The following CEP170B variants were observed in gnomAD, a reference collection of about 807,000 sequenced individuals.
The protein encoded by CEP170B is centrosomal protein of 170 kDa protein B.
A neutral mutation model predicts 120.6 loss-of-function variants in CEP170B; 55 were observed. The observed-to-expected ratio is 0.46, with a 90% CI of 0.37 to 0.57. The LOEUF is 0.57. CEP170B is among the 20% of genes least tolerant of loss of function. The pLI, the probability that CEP170B is intolerant of heterozygous loss-of-function variation, is 0.00. For missense variants in CEP170B, 2,212 were observed against 2,253.3 expected (o/e 0.98, Z 0.37); for synonymous variants, 1,033 against 954.5 (o/e 1.08, Z -1.52).
intron 2 of CEP170B, among the ~76,000 whole-genome samples, chr14:104,873,700 G>A (rs2140644410): frequency 6.6e-6 from 1 of 152,168 alleles, no homozygotes; most frequent in East Asian, 1.9e-4. Context: ...CCCCTCCAGG[G>A]TTTCCACTCC....
chr14:104,881,201 G>A (rs975855284), intron 6 of CEP170B, among the ~76,000 whole-genome samples: 1 of 152,144 alleles, frequency 6.6e-6, no homozygotes, highest in Non-Finnish European at 1.5e-5. Context: ...GAGGAGGACA[G>A]CTGCACGAGG....
rs935378925 is a variant in CEP170B at position 104,867,035 on chromosome 14, C to T, written c.-27-1389C>T. ...ATGTGACTTGGAGACCCCCACAGAG[C>T]CCTTGCTTGGACCCCGCATGTGGCA... On this transcript the variant is annotated intron_variant, in intron 1 of 18. Coordinates refer to ENST00000414716, the MANE Select transcript of CEP170B (RefSeq NM_001112726.3). This position sits in a 1 kb window ranked among gnomAD's most constrained non-coding sequence, Gnocchi z 5.4. Among the ~76,000 whole-genome samples the T allele has an allele frequency of 6.6e-6, 1 of 152,214 alleles. No individual in the cohort carries two copies. The highest frequency in any genetic ancestry group is 1.5e-5 in the Non-Finnish European group (1 of 68,030).
In CEP170B at chr14:104,886,665, C is replaced by G. The variant is rs373895790; in HGVS notation, c.2426C>G (p.Ser809Cys). The G allele has an allele frequency of 1.9e-6, 3 of 1,539,632 alleles. No homozygotes were observed. The African/African-American group carries it at 4.1e-5, about 21-fold the overall frequency. The change falls in exon 12 of 19, where the codon TCT becomes TGT. Residue 809 changes from serine (S) to cysteine (C), a missense_variant. Physicochemically the swap from Ser to Cys is moderately radical, Grantham distance 112. This residue lies in a region of CEP170B where 2,166 missense variants were observed against 2,166.7 expected (regional missense o/e 1.00). Transcript: ENST00000414716. Reference sequence around the variant, plus strand: ...GACCAGAATGGGGACGCTGTGTTATCTAGGAAACCGCTTGCGGCTCCAGGG... The same window carrying G: ...GACCAGAATGGGGACGCTGTGTTATGTAGGAAACCGCTTGCGGCTCCAGGG... ...IGDQNGDAVL[S>C]RKPLAAPGDG...
At chr14:104,866,768 C>G (rs550051188) in intron 1 of CEP170B, among the ~76,000 whole-genome samples, 2 of 152,144 alleles carry the variant, frequency 1.3e-5, no homozygotes, top group Non-Finnish European at 2.9e-5. Context: ...AAGCTGAAGA[C>G]CTTGGGCGTG....
intron 12 of CEP170B, chr14:104,889,383 TG>T (rs894071357): frequency 8.3e-6 from 8 of 964,138 alleles, no homozygotes; most frequent in Middle Eastern, 2.6e-4. Flanking sequence ...GGCTACTGGG[TG>T]GGGGCACCAG....
upstream of CEP170B, among the ~76,000 whole-genome samples, chr14:104,864,653 C>T (rs1054972555): frequency 2.0e-5 from 3 of 152,150 alleles, no homozygotes; most frequent in African/African-American, 7.2e-5. This position sits in a 1 kb window ranked among gnomAD's most constrained non-coding sequence, Gnocchi z 5.9. Context: ...GCGTCGATGC[C>T]CACCACCATC....
At chr14:104,873,169 A>G (rs1157395399) in intron 2 of CEP170B, among the ~76,000 whole-genome samples, 1 of 150,706 alleles carries the variant, frequency 6.6e-6, no homozygotes, top group Non-Finnish European at 1.5e-5. Flanking sequence ...AGGTCTGGTG[A>G]GAAAGCCCTG....
chr14:104,868,365 G>T lies in CEP170B; in HGVS notation c.-27-59G>T. On this transcript the variant is annotated intron_variant, in intron 1 of 18. Transcript: ENST00000414716. This position sits in a 1 kb window ranked among gnomAD's most constrained non-coding sequence, Gnocchi z 5.9. ...AGGATCTGGGCTGGGCCTTGGATGT[G>T]TCCAGGGGGCTAAGAACCAGGCCAG... 2 of 1,245,116 alleles carry T rather than the reference G, an allele frequency of 1.6e-6. No individual in the cohort carries two copies. The highest frequency in any genetic ancestry group is 2.3e-6 in the Non-Finnish European group (2 of 886,316). The allele number at this position is 1,245,116 out of a possible 1,614,324, so 77.1% of individuals were successfully genotyped here. A position where few individuals can be genotyped will look rare whatever the true frequency, so the allele number is the denominator to read the frequency against.
In CEP170B at chr14:104,878,479, G is replaced by T. The variant is rs541418376; in HGVS notation, c.311G>T (p.Arg104Leu). 4.4e-5 allele frequency: 71 copies of T among 1,611,926 alleles called. 2 individuals carry two copies. In the South Asian group the frequency reaches 7.6e-4, roughly 17 times the overall value. Residue 104 changes from arginine (R) to leucine (L), a missense_variant, in exon 5 of 19, where the codon CGA (arginine) becomes CTA (leucine). Arg to Leu is a moderately radical substitution (Grantham distance 102). Coordinates refer to ENST00000414716, the MANE Select transcript of CEP170B (RefSeq NM_001112726.3). ...TATGTGCTGGAGCGTGTGCAGCACC[G>T]AGTCCCGGAGGAGGCACTCAAGGTT... is the stretch of plus-strand genomic sequence containing the variant. ...NMYVLERVQH[R>L]VPEEALKHEK...
At chr14:104,876,165 C>A in intron 2 of CEP170B, 91 bp from the exon 3 acceptor site, 3 of 1,201,410 alleles carry the variant, frequency 2.5e-6, no homozygotes, top group Admixed American at 4.0e-5. Flanking sequence ...TGGTGTTGTG[C>A]TGGGGCAGGG....
chr14:104,873,495 CG>C (rs1190771265), intron 2 of CEP170B, among the ~76,000 whole-genome samples: 1 of 151,912 alleles, frequency 6.6e-6, no homozygotes, highest in African/African-American at 2.4e-5. Context: ...AGAGGCTGAC[CG>C]AGGGCTGCCG....
Position 104,889,696 on chromosome 14 carries a change from T to C in CEP170B, c.3816T>C (p.Asp1272=). The C allele has an allele frequency of 3.1e-6, 5 of 1,611,950 alleles. No homozygotes were observed. The highest frequency in any genetic ancestry group is 2.2e-5 in the South Asian group (2 of 91,024). Residue 1272 remains aspartate, a synonymous_variant, in exon 13 of 19, where the codon GAT becomes GAC. Coordinates refer to ENST00000414716, the MANE Select transcript of CEP170B (RefSeq NM_001112726.3). ...RAPGPRDTDD[D]EEEPDPYGFI... ...CCGGCCCCCGGGACACGGACGACGA[T>C]GAGGAGGAGCCTGACCCTTATGGTT...
At chr14:104,869,626 A>G (rs1895369917) in intron 2 of CEP170B, among the ~76,000 whole-genome samples, 1 of 152,094 alleles carries the variant, frequency 6.6e-6, no homozygotes, top group African/African-American at 2.4e-5. Flanking sequence ...TGGTAGCTTC[A>G]AGAGATGGGG....
chr14:104,881,934 C>T (rs72700184), intron 6 of CEP170B, among the ~76,000 whole-genome samples: 4,394 of 152,246 alleles, frequency 0.029, 76 homozygotes, highest in Middle Eastern at 0.085. Context: ...GTGACTGGCC[C>T]CAGACCCTCT....
chr14:104,883,645 C>T (rs1896283832), intron 8 of CEP170B, 137 bp downstream of exon 8: 10 of 1,115,008 alleles, frequency 9.0e-6, no homozygotes, highest in Non-Finnish European at 1.1e-5. Context: ...TGCCTAAGAG[C>T]CACCTGCCTG....
At position 104,865,966 on chromosome 14, in the gene CEP170B, G is replaced by A. The variant is rs778155103; in HGVS notation, c.-28+453G>A. 3.3e-5 allele frequency among the ~76,000 whole-genome samples: 5 copies of A among 152,054 alleles called. No homozygotes were observed. Among genetic ancestry groups the A allele is most frequent in the Non-Finnish European group, 5.9e-5 (4 of 67,988 alleles). On this transcript the variant is annotated intron_variant, in intron 1 of 18. Transcript: ENST00000414716. This position sits in a 1 kb window ranked among gnomAD's most constrained non-coding sequence, Gnocchi z 6.7. ...TCTCCCCGCTGTCCCTGCCTCTCCC[G>A]GCCTGTGCGCTCCTTCCACCGCCGG...
At position 104,886,335 on chromosome 14, in the gene CEP170B, G is replaced by T; in HGVS notation, c.2096G>T (p.Arg699Leu). Residue 699 changes from arginine (R) to leucine (L), a missense_variant, in exon 12 of 19, where the codon CGA becomes CTA. Transcript: ENST00000414716. The part of the protein sequence containing the change: ...PEGSLPVRMR[R>L]RLPQLPSERA... ...GGGTCCCTGCCTGTGCGCATGCGGCGACGGCTCCCTCAGCTGCCCAGTGAG... is the reference window on the plus strand; with the variant it reads ...GGGTCCCTGCCTGTGCGCATGCGGCTACGGCTCCCTCAGCTGCCCAGTGAG... 6.4e-7 allele frequency: 1 copy of T among 1,562,206 alleles called. No homozygotes were observed. The highest frequency in any genetic ancestry group is 8.6e-7 in the Non-Finnish European group (1 of 1,157,504).
At chr14:104,872,927 G>A (rs763835933) in intron 2 of CEP170B, among the ~76,000 whole-genome samples, 12 of 152,194 alleles carry the variant, frequency 7.9e-5, no homozygotes, top group African/African-American at 2.2e-4. Context: ...GGCGTCTTCC[G>A]GCCATGCCAC....
At chr14:104,893,965 C>T (rs550700785) in intron 16 of CEP170B, 116 bp downstream of exon 16, 2 of 970,816 alleles carry the variant, frequency 2.1e-6, no homozygotes, top group South Asian at 2.9e-5. Flanking sequence ...TCGTGTGCAC[C>T]TGTGGAGCAG....
Sources: allele counts gnomAD v4.1 joint callset (sites outside exome capture counted in the v4.1 genomes callset), GRCh38; gene constraint gnomAD v4.1.1; regional missense constraint gnomAD v4.1.1; non-coding constraint Gnocchi (gnomAD v3.1); transcripts MANE v1.5; gene names NCBI Gene and HGNC (gene_info 2026-07-23, HGNC 2026-07-21).